TOP3A: variants seen among roughly 807,000 people sequenced by gnomAD.
TOP3A encodes the protein DNA topoisomerase III alpha.
TOP3A carries 64 observed loss-of-function variants against 111.3 expected under a neutral mutation model. The ratio of observed to expected loss-of-function variants is 0.57; its 90% CI spans 0.47 to 0.71. The LOEUF is 0.71. Among genes scored for constraint, TOP3A ranks in the 30% least tolerant of loss-of-function variants. The pLI, the probability that TOP3A is intolerant of heterozygous loss-of-function variation, is 0.00. For synonymous variants in TOP3A, 484 were observed against 485.1 expected, an observed-to-expected ratio of 1.00 and a Z score of 0.03; for missense variants, 1,104 against 1,285.0, an observed-to-expected ratio of 0.86 and a Z score of 2.15.
Position 18,277,946 on chromosome 17 carries a change from G to A in TOP3A, c.2556C>T (p.Pro852=). 1.2e-6 allele frequency: 2 copies of A among 1,613,932 alleles called. No homozygotes were observed. Among genetic ancestry groups the A allele is most frequent in the Non-Finnish European group, 1.7e-6 (2 of 1,180,034 alleles). Residue 852 remains proline (P), a synonymous_variant, in exon 18 of 19, where the codon CCC becomes CCT. Coordinates refer to ENST00000321105, the MANE Select transcript of TOP3A (RefSeq NM_004618.5). ...SCNFFLWADS[P]NPGAGGPPAL... ...CAGGAGGCCCTCCTGCTCCCGGATT[G>A]GGGCTGTCTGCCCACAGGAAGAAGT...
chr17:18,294,939 G>T (rs1261628999), intron 9 of TOP3A, among the ~76,000 whole-genome samples, 154 bp from the exon 10 acceptor site: 2 of 152,172 alleles, frequency 1.3e-5, no homozygotes, highest in Admixed American at 6.5e-5. Context: ...CGATTTCTGG[G>T]CCTGCCAAGC....
chr17:18,290,309 A>G (rs1980384844), intron 13 of TOP3A, among the ~76,000 whole-genome samples: 1 of 152,230 alleles, frequency 6.6e-6, no homozygotes, highest in Non-Finnish European at 1.5e-5. Flanking sequence ...AGTCTCTGTT[A>G]CTATGTGGAC....
At chr17:18,286,819 A>G (rs1001012365) in intron 13 of TOP3A, among the ~76,000 whole-genome samples, 4 of 152,202 alleles carry the variant, frequency 2.6e-5, no homozygotes. Flanking sequence ...AGGATTATTT[A>G]TAATAGCCAA....
In TOP3A at chr17:18,277,767, C is replaced by T. The variant is rs753470321; in HGVS notation, c.2735G>A (p.Gly912Glu). 2.6e-5 allele frequency: 42 copies of T among 1,614,102 alleles called. No individual in the cohort carries two copies. The highest frequency in any genetic ancestry group is 3.6e-5 in the Non-Finnish European group (42 of 1,180,052). The change falls in exon 18 of 19, where the codon GGA becomes GAA. Residue 912 changes from glycine to glutamate, a missense_variant. By Grantham distance (98) the Gly-to-Glu change is moderately conservative. Coordinates refer to ENST00000321105, the MANE Select transcript of TOP3A (RefSeq NM_004618.5). ...GTGGAACTGGCGCCCCTTGTTGGGT[C>T]CATCCTTCTGCACAGTCCGTGTGAC... ...PSVTRTVQKD[G>E]PNKGRQFHTC...
At chr17:18,296,488 G>A (rs1218594665) in intron 9 of TOP3A, among the ~76,000 whole-genome samples, 1 of 152,108 alleles carries the variant, frequency 6.6e-6, no homozygotes, top group Non-Finnish European at 1.5e-5. Context: ...GCTGAGGCAG[G>A]AGACTCGCTT....
At chr17:18,275,657 C>T (rs796540004) in intron 18 of TOP3A, among the ~76,000 whole-genome samples, 3 of 147,136 alleles carry the variant, frequency 2.0e-5, no homozygotes, top group African/African-American at 5.0e-5. Flanking sequence ...CCACCGTGCC[C>T]GGCCTTTTTT....
intron 1 of TOP3A, chr17:18,311,766 G>T (rs7215839): frequency 0.3 from 46,077 of 152,178 alleles, 7,275 homozygotes; most frequent in African/African-American, 0.34. Context: ...GTAACTAGTA[G>T]ATGCCTTTCA....
chr17:18,282,417 T>C (rs939862251), intron 16 of TOP3A, among the ~76,000 whole-genome samples: 4 of 152,170 alleles, frequency 2.6e-5, no homozygotes, highest in Admixed American at 2.6e-4. Context: ...CTCATGCTCC[T>C]CCATGTGTTA....
chr17:18,310,001 C>T (rs1322921443), intron 1 of TOP3A, among the ~76,000 whole-genome samples: 3 of 151,724 alleles, frequency 2.0e-5, no homozygotes, highest in Non-Finnish European at 2.9e-5. Flanking sequence ...TGAGCCACCA[C>T]GCCCAGCGAA....
chr17:18,286,781 C>T (rs1384711280), intron 13 of TOP3A, among the ~76,000 whole-genome samples: 1 of 152,172 alleles, frequency 6.6e-6, no homozygotes, highest in East Asian at 1.9e-4. Context: ...CATATCCACA[C>T]AAAACCTTGT....
At chr17:18,291,829 C>T in intron 11 of TOP3A, among the ~76,000 whole-genome samples, 1 of 152,030 alleles carries the variant, frequency 6.6e-6, no homozygotes, top group Non-Finnish European at 1.5e-5. Context: ...ATTCTCCTGC[C>T]TCAGCCTCCT....
chr17:18,280,653 T>G lies in TOP3A; in HGVS notation c.2027A>C (p.Tyr676Ser), dbSNP rs747444823. Reference protein sequence around the residue: ...VLKTKKNGGFYLSCMGFPECR... With the variant: ...VLKTKKNGGFSLSCMGFPECR... The stretch of plus-strand genomic sequence containing the variant: ...CTCTGGGAAACCCATGCAGCTGAGG[T>G]AGAACCTGGGGACAAAGTGCCATGT... Residue 676 changes from tyrosine to serine, a missense_variant, in exon 17 of 19, where the codon TAC becomes TCC. Physicochemically the swap from Tyr to Ser is moderately radical, Grantham distance 144 (BLOSUM62 -2). Transcript: ENST00000321105. 6.2e-7 allele frequency: 1 copy of G among 1,613,874 alleles called. No individual in the cohort carries two copies. Among genetic ancestry groups the G allele is most frequent in the African/African-American group, 1.3e-5 (1 of 75,004 alleles).
At chr17:18,308,010 G>A (rs1434743531) in intron 3 of TOP3A, among the ~76,000 whole-genome samples, 9 of 148,686 alleles carry the variant, frequency 6.1e-5, no homozygotes, top group Non-Finnish European at 1.3e-4. Context: ...TCAGGAGTTC[G>A]AGACCAGCCT....
chr17:18,291,772 T>C lies in TOP3A; in HGVS notation c.1282-745A>G, dbSNP rs1980489143. Among the ~76,000 whole-genome samples the C allele has an allele frequency of 2.6e-5, 4 of 152,234 alleles. No homozygotes were observed. In the South Asian group the frequency reaches 8.3e-4, roughly 32 times the overall value. On this transcript the variant is annotated intron_variant, in intron 11 of 18. Coordinates refer to ENST00000321105, the MANE Select transcript of TOP3A (RefSeq NM_004618.5). Reference sequence around the variant, plus strand: ...ACTCTGTCGCCAGGCTGGAGTGCAGTGGTGCAATCTCGGCTTATTGCAACC... The same window carrying C: ...ACTCTGTCGCCAGGCTGGAGTGCAGCGGTGCAATCTCGGCTTATTGCAACC...
intron 9 of TOP3A, among the ~76,000 whole-genome samples, chr17:18,295,739 G>A (rs1254174601): frequency 6.6e-6 from 1 of 151,692 alleles, no homozygotes; most frequent in Non-Finnish European, 1.5e-5. Flanking sequence ...GATTACAGGC[G>A]TGAGCCACCG....
At chr17:18,283,613 T>C (rs1252708011) in intron 15 of TOP3A, among the ~76,000 whole-genome samples, 2 of 152,126 alleles carry the variant, frequency 1.3e-5, no homozygotes, top group Non-Finnish European at 2.9e-5. Context: ...CATCCTCTAA[T>C]TCAATTCAAT....
rs1597953963 is a variant in TOP3A, at chr17:18,278,084, A to C, written c.2418T>G (p.Gly806=). The C allele has an allele frequency of 1.2e-6, 2 of 1,614,192 alleles. No homozygotes were observed. Among genetic ancestry groups the C allele is most frequent in the Non-Finnish European group, 8.5e-7 (1 of 1,180,038 alleles). ...AGTTGCAGGTCACAGAATTGCTTTC[A>C]CCAGCAGCCGTGGGTGGTGGGAGGG... ...AQTLPPPTAA[G]ESNSVTCNCG... Residue 806 remains glycine (G), a synonymous_variant, in exon 18 of 19, where the codon GGT becomes GGG. Coordinates refer to ENST00000321105, the MANE Select transcript of TOP3A (RefSeq NM_004618.5).
intron 16 of TOP3A, among the ~76,000 whole-genome samples, chr17:18,281,238 T>C (rs1429227239): frequency 6.6e-6 from 1 of 152,124 alleles, no homozygotes; most frequent in African/African-American, 2.4e-5. Flanking sequence ...TACAAATTCC[T>C]CATGAGTGTG....
In TOP3A at chr17:18,294,700, T is replaced by G; in HGVS notation, c.1073+3A>C. On this transcript the variant is annotated splice_donor_region_variant and intron_variant, in intron 10 of 18. Transcript: ENST00000321105. ...ATTCTACTCCCAAACCCAAAATACT[T>G]ACCCTTGAGTGTAGAGCTTCTCAGC... is the stretch of plus-strand genomic sequence containing the variant. The G allele has an allele frequency of 6.2e-7, 1 of 1,608,090 alleles. No individual in the cohort carries two copies. Among genetic ancestry groups the G allele is most frequent in the Non-Finnish European group, 8.5e-7 (1 of 1,174,690 alleles).
Sources: gnomAD v4.1 joint callset for allele counts (sites outside exome capture counted in the v4.1 genomes callset) on GRCh38, gnomAD v4.1.1 for gene constraint, MANE v1.5 for transcripts, NCBI Gene and HGNC (gene_info 2026-07-23, HGNC 2026-07-21) for gene names.